Variants in CYFIP2 observed in about 807,000 individuals in gnomAD.
The protein encoded by CYFIP2 is cytoplasmic FMR1-interacting protein 2.
Under a neutral mutation model 158.7 loss-of-function variants are expected in CYFIP2, and 29 were observed. That is an observed-to-expected ratio of 0.18 (90% CI 0.14 to 0.25). CYFIP2 has a LOEUF of 0.25. Ranked by LOEUF, CYFIP2 falls within the 10% of genes least tolerant of loss-of-function variation. The pLI is 1.00. For synonymous variants in CYFIP2, 585 were observed against 617.6 expected, an observed-to-expected ratio of 0.95 and a Z score of 0.78; for missense variants, 852 against 1,639.5, an observed-to-expected ratio of 0.52 and a Z score of 8.29.
At chr5:157,382,758 G>A in intron 27 of CYFIP2, 96 bp downstream of exon 27, 1 of 1,275,492 alleles carries the variant, frequency 7.8e-7, no homozygotes, top group Non-Finnish European at 1.1e-6. Context: ...CAGCAAGGGG[G>A]AAGGTTAAAG....
At chr5:157,370,431 C>T (rs923331067) in intron 26 of CYFIP2, among the ~76,000 whole-genome samples, 6 of 152,180 alleles carry the variant, frequency 3.9e-5, no homozygotes, top group Non-Finnish European at 7.4e-5. Flanking sequence ...TAGAAAGCAA[C>T]CAGAATAATA....
At chr5:157,284,562 A>G (rs1008880735) in intron 1 of CYFIP2, among the ~76,000 whole-genome samples, 2 of 152,196 alleles carry the variant, frequency 1.3e-5, no homozygotes, top group African/African-American at 2.4e-5. Context: ...AAAAATGAGT[A>G]TTCTGTTTGC....
rs111840775 is a variant in CYFIP2 at position 157,395,171 on chromosome 5, CT to C, written c.*2174del. On this transcript the variant is annotated 3_prime_UTR_variant, in exon 31 of 31. Coordinates refer to ENST00000620254, the MANE Select transcript of CYFIP2 (RefSeq NM_001037333.3). ...TGATCCCAGTAGACTGAGGTCTTCCCTTTCAGCAGAAAGATTTCATTTCCCT... is the reference window on the plus strand; with the variant it reads ...TGATCCCAGTAGACTGAGGTCTTCCCTTCAGCAGAAAGATTTCATTTCCCT... The C allele has an allele frequency of 3.8e-4, 82 of 217,832 alleles. No homozygotes were observed. The highest frequency in any genetic ancestry group is 1.8e-3 in the African/African-American group (75 of 41,990). 13.5% of individuals were successfully genotyped at this position (217,832 alleles called of 1,614,324 possible). A position where few individuals can be genotyped will look rare whatever the true frequency, so the allele number is the denominator to read the frequency against.
rs1767624008 is a variant in CYFIP2 at position 157,394,917 on chromosome 5, T to A, written c.*1917T>A. The A allele has an allele frequency of 6.6e-6, 1 of 152,408 alleles. No homozygotes were observed. The highest frequency in any genetic ancestry group is 2.4e-5 in the African/African-American group (1 of 41,466). The allele number at this position is 152,408 out of a possible 1,614,324, so 9.4% of individuals were successfully genotyped here. On this transcript the variant is annotated 3_prime_UTR_variant, in exon 31 of 31. Coordinates refer to ENST00000620254, the MANE Select transcript of CYFIP2 (RefSeq NM_001037333.3). ...GAACATGCTTTCAAAACATATAAAA[T>A]GTCAAAGTTCCAGATCCTTCTACAT...
intron 8 of CYFIP2, 188 bp downstream of exon 8, chr5:157,304,554 T>G: frequency 1.8e-6 from 1 of 559,292 alleles, no homozygotes; most frequent in South Asian, 2.9e-5. Context: ...TTTCCAGATG[T>G]CATTAAGGCT....
chr5:157,333,998 C>T (rs1581083265), intron 21 of CYFIP2, among the ~76,000 whole-genome samples: 1 of 152,248 alleles, frequency 6.6e-6, no homozygotes, highest in East Asian at 1.9e-4. Context: ...AATTCTCTCT[C>T]TTCAAGAATT....
At chr5:157,284,102 C>T (rs1314615016) in intron 1 of CYFIP2, among the ~76,000 whole-genome samples, 2 of 152,114 alleles carry the variant, frequency 1.3e-5, no homozygotes, top group Non-Finnish European at 2.9e-5. Flanking sequence ...TTGTTCACCT[C>T]TACTGTTAAC....
At chr5:157,364,123 C>A (rs933387410) in intron 26 of CYFIP2, 2 of 148,708 alleles carry the variant, frequency 1.3e-5, no homozygotes, top group African/African-American at 5.0e-5. Flanking sequence ...AGCAACGTAG[C>A]CCTCAGAAGT....
At position 157,394,025 on chromosome 5, in the gene CYFIP2, A is replaced by AC. The variant is rs921976002; in HGVS notation, c.*1030dup. The AC allele has an allele frequency of 2.6e-5, 4 of 151,892 alleles. No homozygotes were observed. Among genetic ancestry groups the AC allele is most frequent in the African/African-American group, 4.8e-5 (2 of 41,296 alleles). 9.4% of individuals were successfully genotyped at this position (151,892 alleles called of 1,614,324 possible). On this transcript the variant is annotated 3_prime_UTR_variant, in exon 31 of 31. Transcript: ENST00000620254. ...CAATGAGCTTTTAATACCAAGATACACCCCCTGCCCCCAAAGAAGAGTCCT... is the reference window on the plus strand; with the variant it reads ...CAATGAGCTTTTAATACCAAGATACACCCCCCTGCCCCCAAAGAAGAGTCCT...
At chr5:157,314,566 A>C in intron 12 of CYFIP2, 103 bp downstream of exon 12, 1 of 1,455,156 alleles carries the variant, frequency 6.9e-7, no homozygotes, top group South Asian at 1.4e-5. Flanking sequence ...ACGGAGTTAC[A>C]ATTCACGTAC....
chr5:157,368,201 G>A (rs1276049113), intron 26 of CYFIP2, among the ~76,000 whole-genome samples: 1 of 152,128 alleles, frequency 6.6e-6, no homozygotes, highest in Non-Finnish European at 1.5e-5. Context: ...TGGGTGACAG[G>A]GGCACGGGAG....
chr5:157,294,634 C>G, intron 3 of CYFIP2, 149 bp from the exon 4 acceptor site: 1 of 549,742 alleles, frequency 1.8e-6, no homozygotes, highest in South Asian at 2.8e-5. Flanking sequence ...AGGGAGGGAC[C>G]TGAGATTCTC....
chr5:157,322,933 A>G, intron 15 of CYFIP2: 3 of 1,533,736 alleles, frequency 2.0e-6, no homozygotes, highest in Non-Finnish European at 2.6e-6. Context: ...TCTCCTATCT[A>G]TGTCTTAGGC....
chr5:157,341,198 G>A, intron 23 of CYFIP2, 41 bp downstream of exon 23: 1 of 1,568,674 alleles, frequency 6.4e-7, no homozygotes, highest in Non-Finnish European at 8.8e-7. Context: ...GAGGGTTGGT[G>A]AGAAAAAGCA....
intron 1 of CYFIP2, among the ~76,000 whole-genome samples, chr5:157,275,267 T>TA (rs2113815937): frequency 6.6e-6 from 1 of 152,330 alleles, no homozygotes; most frequent in South Asian, 2.1e-4. Flanking sequence ...GATGTACTCT[T>TA]ATGAGTTTTA....
chr5:157,339,570 T>A (rs1398592882), intron 22 of CYFIP2, among the ~76,000 whole-genome samples: 1 of 152,220 alleles, frequency 6.6e-6, no homozygotes, highest in Non-Finnish European at 1.5e-5. Context: ...CCTTCCTGCC[T>A]CTTGAGTCTT....
intron 26 of CYFIP2, among the ~76,000 whole-genome samples, chr5:157,373,219 C>G (rs1765155497): frequency 6.6e-6 from 1 of 152,188 alleles, no homozygotes; most frequent in South Asian, 2.1e-4. Flanking sequence ...CACAACCCAA[C>G]CACATGGCAT....
rs141743285 is a variant in CYFIP2, at chr5:157,343,006, C to T, written c.2673+1849C>T. On this transcript the variant is annotated intron_variant, in intron 23 of 30. Coordinates refer to ENST00000620254, the MANE Select transcript of CYFIP2 (RefSeq NM_001037333.3). The stretch of plus-strand genomic sequence containing the variant: ...TGCGTGGCATTTCCACCAGGGGGAG[C>T]CCCTGCAGGTCTTCCTCCCTCTGAC... The T allele has an allele frequency of 7.4e-5, 120 of 1,614,196 alleles. 2 individuals are homozygous for T. The highest frequency in any genetic ancestry group is 7.4e-4 in the South Asian group (67 of 91,086).
chr5:157,286,273 G>A (rs1437175734), intron 2 of CYFIP2, among the ~76,000 whole-genome samples: 1 of 151,204 alleles, frequency 6.6e-6, no homozygotes. Context: ...ATACAAAAAA[G>A]TATACAAAAA....
Sources: gnomAD v4.1 joint callset for allele counts (sites outside exome capture counted in the v4.1 genomes callset) on GRCh38, gnomAD v4.1.1 for gene constraint, MANE v1.5 for transcripts, NCBI Gene and HGNC (gene_info 2026-07-23, HGNC 2026-07-21) for gene names.